SBNO2: variants seen among roughly 807,000 people sequenced by gnomAD.
SBNO2 encodes strawberry notch homolog 2.
Under a neutral mutation model 146.3 loss-of-function variants are expected in SBNO2, and 89 were observed. The ratio of observed to expected loss-of-function variants is 0.61; its 90% CI spans 0.51 to 0.73. The LOEUF is 0.73. Among genes scored for constraint, SBNO2 ranks in the 30% least tolerant of loss-of-function variants. SBNO2 has a pLI of 0.00. For synonymous variants in SBNO2, 1,147 were observed against 892.6 expected (o/e 1.29, Z -5.08); for missense variants, 2,092 against 2,003.7 (o/e 1.04, Z -0.84).
chr19:1,142,195 CTCAATGACCTCCCTCAT>C (rs2080146451), intron 4 of SBNO2, among the ~76,000 whole-genome samples: 1 of 122,742 alleles, frequency 8.1e-6, no homozygotes, highest in African/African-American at 3.1e-5. Context: ...TCAACCCTCA[CTCAATGACCTCCCTCAT>C]GATCAACCCT....
chr19:1,164,888 C>CAGG (rs1247621327), intron 1 of SBNO2, among the ~76,000 whole-genome samples: 1 of 1,758 alleles, frequency 5.7e-4, no homozygotes, highest in Admixed American at 9.8e-3. Flanking sequence ...GGAGGAGGAA[C>CAGG]AGGAGGAGGA....
intron 2 of SBNO2, among the ~76,000 whole-genome samples, chr19:1,152,425 C>T (rs1377552158): frequency 1.3e-5 from 2 of 152,140 alleles, no homozygotes; most frequent in Non-Finnish European, 2.9e-5. Flanking sequence ...ATTCTTGGAT[C>T]GGAACAAGCT....
intron 1 of SBNO2, among the ~76,000 whole-genome samples, chr19:1,172,710 G>A (rs895300723): frequency 6.9e-6 from 1 of 144,382 alleles, no homozygotes; most frequent in African/African-American, 2.7e-5. Context: ...CTGGGTCCTC[G>A]GCCCCTCCCA....
rs1452837163 is a variant in SBNO2 at position 1,117,205 on chromosome 19, C to T, written c.1704+118G>A. The T allele has an allele frequency of 2.8e-6, 3 of 1,082,148 alleles. No individual in the cohort carries two copies. In the Admixed American group the frequency reaches 8.3e-5, roughly 30 times the overall value. 67.0% of individuals were successfully genotyped at this position (1,082,148 alleles called of 1,614,324 possible). ...GACGGACATCCGGGCGTCTCTCACC[C>T]ACCAGGGTGCAGCCCCCGCCCACGT... On this transcript the variant is annotated intron_variant, in intron 15 of 31. Transcript: ENST00000361757.
At chr19:1,170,250 C>T (rs372373105) in intron 1 of SBNO2, among the ~76,000 whole-genome samples, 13 of 152,332 alleles carry the variant, frequency 8.5e-5, no homozygotes, top group Admixed American at 3.3e-4. Flanking sequence ...TGCCTTCGCC[C>T]GCAGGGCTGA....
intron 24 of SBNO2, 51 bp downstream of exon 24, chr19:1,111,455 T>C: frequency 7.8e-7 from 1 of 1,285,650 alleles, no homozygotes; most frequent in Non-Finnish European, 1.1e-6. Context: ...TGGAGCCCAG[T>C]GCTCTGCAAC....
At chr19:1,151,714 G>A (rs953635081) in intron 2 of SBNO2, among the ~76,000 whole-genome samples, 4 of 152,202 alleles carry the variant, frequency 2.6e-5, no homozygotes, top group South Asian at 2.1e-4. Context: ...CCAGGCTGAA[G>A]TGCAGTGGCA....
At chr19:1,133,643 C>T (rs1036162992) in intron 4 of SBNO2, among the ~76,000 whole-genome samples, 2 of 152,218 alleles carry the variant, frequency 1.3e-5, no homozygotes, top group African/African-American at 2.4e-5. Flanking sequence ...TGCCAGGCAC[C>T]CCGCCCGCCA....
Position 1,112,864 on chromosome 19 carries a change from TCGATGGACAGACCCTGCTCTGCC to T in SBNO2, c.2310_2332del (p.Ala771ProfsTer113). On this transcript the variant is annotated frameshift_variant, in exon 20 of 32. Coordinates refer to ENST00000361757, the MANE Select transcript of SBNO2 (RefSeq NM_014963.3). LOFTEE classifies it high-confidence loss of function. The surrounding 1 kb of genome is among the most constrained non-coding windows in gnomAD (Gnocchi z 5.9). ...CTGCTTCTCCCTGAGGTTCACGTGG[TCGATGGACAGACCCTGCTCTGCC>T]CGCGACTCGAAGGCCACCGTCCCGT... 6.3e-7 allele frequency: 1 copy of T among 1,575,882 alleles called. No individual in the cohort carries two copies. The highest frequency in any genetic ancestry group is 8.6e-7 in the Non-Finnish European group (1 of 1,162,432).
intron 4 of SBNO2, among the ~76,000 whole-genome samples, 163 bp downstream of exon 4, chr19:1,147,146 C>T: frequency 6.6e-6 from 1 of 152,146 alleles, no homozygotes; most frequent in East Asian, 1.9e-4. Context: ...CAAGCCACAT[C>T]TCTGGGCTCC....
At chr19:1,117,576 A>G in intron 14 of SBNO2, 77 bp from the exon 15 acceptor site, 1 of 1,445,514 alleles carries the variant, frequency 6.9e-7, no homozygotes, top group Admixed American at 2.4e-5. Flanking sequence ...ACCTGCCGCC[A>G]GCCCTGGGCA....
chr19:1,111,115 A>G (rs1298565711), intron 24 of SBNO2, 22 bp from the exon 25 acceptor site: 2 of 1,540,900 alleles, frequency 1.3e-6, no homozygotes, highest in African/African-American at 2.7e-5. Context: ...GGGGCCTCAC[A>G]TGCTGGTCTT....
At chr19:1,118,423 G>A (rs1023601046) in intron 14 of SBNO2, among the ~76,000 whole-genome samples, 6 of 152,180 alleles carry the variant, frequency 3.9e-5, no homozygotes, top group Non-Finnish European at 7.3e-5. Context: ...AACATGGAGG[G>A]AACGACCAAG....
chr19:1,154,025 C>T (rs575818211), intron 2 of SBNO2, among the ~76,000 whole-genome samples, 159 bp downstream of exon 2: 13 of 152,270 alleles, frequency 8.5e-5, no homozygotes, highest in African/African-American at 2.4e-4. Context: ...CCAGGGCCCA[C>T]GGGGGCGGGT....
In SBNO2 at chr19:1,171,324, CAAAG is replaced by C. The variant is rs1340780393; in HGVS notation, c.-127+2844_-127+2847del. 1.1e-4 allele frequency among the ~76,000 whole-genome samples: 17 copies of C among 151,868 alleles called. No homozygotes were observed. In the South Asian group the frequency reaches 3.3e-3, roughly 30 times the overall value. ...TGCACGTGCGTACGTACAATGCACA[CAAAG>C]AATACACACATCCATACAACACACA... On this transcript the variant is annotated intron_variant, in intron 1 of 31. Coordinates refer to ENST00000361757, the MANE Select transcript of SBNO2 (RefSeq NM_014963.3).
At chr19:1,129,810 T>G (rs1023100952) in intron 4 of SBNO2, among the ~76,000 whole-genome samples, 1 of 151,868 alleles carries the variant, frequency 6.6e-6, no homozygotes, top group Non-Finnish European at 1.5e-5. Flanking sequence ...GGAGGAGAGC[T>G]CCCCAAACCC....
At chr19:1,155,330 C>T (rs1036611699) in intron 1 of SBNO2, among the ~76,000 whole-genome samples, 1 of 152,198 alleles carries the variant, frequency 6.6e-6, no homozygotes, top group African/African-American at 2.4e-5. Flanking sequence ...GGCCGGGCAA[C>T]AGGGGCTGGG....
rs1010989193 is a variant in SBNO2, at chr19:1,154,645, G to A, written c.-126-243C>T. ...TGGCCTCCCCGGCCCCAACTACAAC[G>A]ATTAAGGTGGGCCCGACAGGGCTGC... On this transcript the variant is annotated intron_variant, in intron 1 of 31. Transcript: ENST00000361757. Among the ~76,000 whole-genome samples the A allele has an allele frequency of 5.3e-5, 8 of 152,272 alleles. No homozygotes were observed. In the East Asian group the frequency reaches 7.7e-4, roughly 15 times the overall value.
At chr19:1,116,157 G>T (rs1345451129) in intron 16 of SBNO2, 54 bp from the exon 17 acceptor site, 5 of 1,543,470 alleles carry the variant, frequency 3.2e-6, no homozygotes, top group Non-Finnish European at 3.5e-6. Flanking sequence ...GCCAGGCGGG[G>T]TTGCTCTCCA....
Sources: gnomAD v4.1 joint callset for allele counts (sites outside exome capture counted in the v4.1 genomes callset) on GRCh38, gnomAD v4.1.1 for gene constraint, Gnocchi (gnomAD v3.1) non-coding constraint, MANE v1.5 for transcripts, NCBI Gene and HGNC (gene_info 2026-07-23, HGNC 2026-07-21) for gene names.